Variants in CNTNAP4 observed in about 807,000 individuals in gnomAD.
CNTNAP4 encodes contactin-associated protein-like 4.
Under a neutral mutation model 148.4 loss-of-function variants are expected in CNTNAP4, and 98 were observed. The ratio of observed to expected loss-of-function variants is 0.66; its 90% CI spans 0.56 to 0.78. CNTNAP4 has a LOEUF of 0.78. Among genes scored for constraint, CNTNAP4 ranks in the 30% least tolerant of loss-of-function variants. The pLI, the probability that CNTNAP4 is intolerant of heterozygous loss-of-function variation, is 0.00. For synonymous variants in CNTNAP4, 730 were observed against 565.1 expected, an observed-to-expected ratio of 1.29 and a Z score of -4.14; for missense variants, 1,935 against 1,565.6, an observed-to-expected ratio of 1.24 and a Z score of -3.98.
chr16:76,473,558 G>A (rs2081446178), intron 10 of CNTNAP4, among the ~76,000 whole-genome samples: 1 of 152,116 alleles, frequency 6.6e-6, no homozygotes, highest in Non-Finnish European at 1.5e-5. Context: ...CAGATCACGA[G>A]GTCAGGAGAT....
Position 76,347,129 on chromosome 16 carries a change from G to A in CNTNAP4, c.197-8189G>A, listed in dbSNP as rs1409090998. ...AATGATTAAGCTGTGTAGGTGTGAG[G>A]CAATTGGTTGTGTGTGTGTGTGTGT... is the stretch of plus-strand genomic sequence containing the variant. On this transcript the variant is annotated intron_variant, in intron 2 of 23. Coordinates refer to ENST00000611870, the MANE Select transcript of CNTNAP4 (RefSeq NM_033401.5). 2.3e-5 allele frequency among the ~76,000 whole-genome samples: 3 copies of A among 129,408 alleles called. No individual in the cohort carries two copies. In the East Asian group the frequency reaches 7.0e-4, roughly 30 times the overall value. The allele number at this position is 129,408 out of a possible 152,430, so 84.9% of individuals were successfully genotyped here.
At chr16:76,386,077 G>A (rs1334863973) in intron 3 of CNTNAP4, among the ~76,000 whole-genome samples, 3 of 152,206 alleles carry the variant, frequency 2.0e-5, no homozygotes, top group African/African-American at 7.2e-5. Flanking sequence ...ACGTTGGGCA[G>A]CCCAGAGTCT....
intron 10 of CNTNAP4, among the ~76,000 whole-genome samples, chr16:76,471,381 A>G (rs545556885): frequency 6.6e-6 from 1 of 152,186 alleles, no homozygotes; most frequent in Non-Finnish European, 1.5e-5. Context: ...ATCATTTGGT[A>G]TCAAAGCACA....
intron 2 of CNTNAP4, among the ~76,000 whole-genome samples, chr16:76,331,657 C>A (rs915885640): frequency 6.6e-6 from 1 of 152,150 alleles, no homozygotes; most frequent in Non-Finnish European, 1.5e-5. Flanking sequence ...ATGATTTTCA[C>A]AAATTATATC....
intron 3 of CNTNAP4, among the ~76,000 whole-genome samples, chr16:76,410,451 T>C (rs1407452203): frequency 6.6e-6 from 1 of 151,730 alleles, no homozygotes; most frequent in Non-Finnish European, 1.5e-5. Flanking sequence ...AGCCATTTAC[T>C]GGTTGGTTTT....
chr16:76,494,170 C>G (rs954046892), intron 13 of CNTNAP4, among the ~76,000 whole-genome samples: 1 of 151,744 alleles, frequency 6.6e-6, no homozygotes, highest in African/African-American at 2.4e-5. Flanking sequence ...GTTCCTTGCT[C>G]TAGTTACTTG....
In CNTNAP4 at chr16:76,504,213, A is replaced by G. The variant is rs530409032; in HGVS notation, c.2365+5519A>G. Among the ~76,000 whole-genome samples, 3 of 152,260 alleles carry G rather than the reference A, an allele frequency of 2.0e-5. No homozygotes were observed. In the East Asian group the frequency reaches 5.8e-4, roughly 29 times the overall value. Reference sequence around the variant, plus strand: ...ATAAGACTTACTGTAAAACTAACAGATATTCAAGGAAGTGTGATATTGACA... The same window carrying G: ...ATAAGACTTACTGTAAAACTAACAGGTATTCAAGGAAGTGTGATATTGACA... On this transcript the variant is annotated intron_variant, in intron 15 of 23. Transcript: ENST00000611870.
chr16:76,479,366 G>A (rs1762553755), intron 11 of CNTNAP4, 53 bp from the exon 12 acceptor site: 2 of 1,473,194 alleles, frequency 1.4e-6, no homozygotes, highest in African/African-American at 1.4e-5. Context: ...CAAATTAAAA[G>A]TTAAGAGATT....
intron 2 of CNTNAP4, among the ~76,000 whole-genome samples, chr16:76,335,985 C>T (rs1339908195): frequency 6.6e-6 from 1 of 152,046 alleles, no homozygotes; most frequent in Non-Finnish European, 1.5e-5. Context: ...AGAAGTGTGA[C>T]CCTTCCCCCA....
intron 3 of CNTNAP4, among the ~76,000 whole-genome samples, chr16:76,373,971 C>G (rs73625368): frequency 6.6e-6 from 1 of 151,122 alleles, no homozygotes; most frequent in African/African-American, 2.4e-5. Context: ...AGAATTGTGT[C>G]TATAAATCAG....
At chr16:76,364,233 C>CAAAAAAAAAAAAAAAAAAAAAAAAA (rs58589609) in intron 3 of CNTNAP4, among the ~76,000 whole-genome samples, 4 of 48,182 alleles carry the variant, frequency 8.3e-5, no homozygotes, top group Non-Finnish European at 1.4e-4. Flanking sequence ...GATTCCATCT[C>CAAAAAAAAAAAAAAAAAAAAAAAAA]AAAAAAAAAA....
At chr16:76,423,293 G>A (rs1367518208) in intron 3 of CNTNAP4, among the ~76,000 whole-genome samples, 1 of 152,094 alleles carries the variant, frequency 6.6e-6, no homozygotes. Context: ...ACACAAACCA[G>A]AGGAGTACTT....
chr16:76,290,678 C>A (rs1959077944), intron 1 of CNTNAP4, among the ~76,000 whole-genome samples: 1 of 152,180 alleles, frequency 6.6e-6, no homozygotes, highest in African/African-American at 2.4e-5. Flanking sequence ...CACTGCCTGA[C>A]CAAGGCATTC....
At chr16:76,472,993 G>A (rs564328931) in intron 10 of CNTNAP4, among the ~76,000 whole-genome samples, 8 of 152,222 alleles carry the variant, frequency 5.3e-5, no homozygotes, top group East Asian at 3.9e-4. Context: ...AGTATACTCC[G>A]TGAGGGGGGC....
At chr16:76,552,790 T>G (rs182641941) in intron 21 of CNTNAP4, among the ~76,000 whole-genome samples, 2 of 152,292 alleles carry the variant, frequency 1.3e-5, no homozygotes, top group Admixed American at 1.3e-4. Context: ...CAGAAAGCTT[T>G]CAGCCATAAC....
chr16:76,360,142 T>C (rs2013226030), intron 3 of CNTNAP4, among the ~76,000 whole-genome samples: 1 of 152,224 alleles, frequency 6.6e-6, no homozygotes, highest in East Asian at 1.9e-4. Flanking sequence ...GAAGTTAGTA[T>C]CTCTTTGTTT....
At chr16:76,506,131 C>T (rs1237124341) in intron 15 of CNTNAP4, among the ~76,000 whole-genome samples, 7 of 97,496 alleles carry the variant, frequency 7.2e-5, no homozygotes, top group African/African-American at 1.8e-4. Context: ...GTAGAAAAGT[C>T]ATGAGTAGGA....
intron 14 of CNTNAP4, 138 bp downstream of exon 14, chr16:76,495,204 T>C (rs2082361273): frequency 1.2e-6 from 1 of 821,688 alleles, no homozygotes; most frequent in Non-Finnish European, 1.9e-6. Context: ...TAATGAAACG[T>C]GGTGTAGTCA....
intron 15 of CNTNAP4, among the ~76,000 whole-genome samples, chr16:76,501,068 T>C (rs1191029149): frequency 6.6e-6 from 1 of 152,214 alleles, no homozygotes; most frequent in African/African-American, 2.4e-5. Context: ...AAGATGATAC[T>C]GGCCTTAAAA....
Sources: allele counts gnomAD v4.1 joint callset (sites outside exome capture counted in the v4.1 genomes callset), GRCh38; gene constraint gnomAD v4.1.1; transcripts MANE v1.5; gene names NCBI Gene and HGNC (gene_info 2026-07-23, HGNC 2026-07-21).